Variants in CFAP299 observed in about 807,000 individuals in gnomAD.
CFAP299 encodes the protein cilia- and flagella-associated protein 299.
CFAP299 carries 21 observed loss-of-function variants against 27.0 expected under a neutral mutation model. That is an observed-to-expected ratio of 0.78 (90% CI 0.55 to 1.12). The LOEUF (loss-of-function observed/expected upper bound fraction) is 1.12. Ranked by LOEUF, CFAP299 falls within the 50% of genes most tolerant of loss-of-function variation. The pLI, the probability that CFAP299 is intolerant of heterozygous loss-of-function variation, is 0.00. For missense variants in CFAP299, 310 were observed against 276.6 expected (o/e 1.12, Z -0.86); for synonymous variants, 104 against 98.1 (o/e 1.06, Z -0.36).
chr4:80,900,580 T>C (rs1243308457), intron 4 of CFAP299, among the ~76,000 whole-genome samples: 1 of 152,028 alleles, frequency 6.6e-6, no homozygotes, highest in African/African-American at 2.4e-5. Context: ...GTAGGTAAAA[T>C]ATGTTCAATA....
intron 2 of CFAP299, among the ~76,000 whole-genome samples, chr4:80,432,690 G>A (rs1255415681): frequency 2.6e-5 from 4 of 151,526 alleles, no homozygotes; most frequent in Admixed American, 6.6e-5. Flanking sequence ...CCACCACCAC[G>A]CCTGGCTAAT....
chr4:80,901,734 T>C (rs1465084515), intron 4 of CFAP299, among the ~76,000 whole-genome samples: 4 of 152,068 alleles, frequency 2.6e-5, no homozygotes, highest in Non-Finnish European at 5.9e-5. Context: ...CAGCAATTGG[T>C]TCAATCACTT....
chr4:80,547,138 G>A (rs1292807519), intron 2 of CFAP299, among the ~76,000 whole-genome samples: 2 of 151,990 alleles, frequency 1.3e-5, no homozygotes, highest in East Asian at 1.9e-4. Context: ...TATAGTACAA[G>A]GCTAACAACC....
chr4:80,650,568 G>A (rs576813022), intron 3 of CFAP299, among the ~76,000 whole-genome samples: 1 of 152,168 alleles, frequency 6.6e-6, no homozygotes, highest in Non-Finnish European at 1.5e-5. Flanking sequence ...ATGTAACCAT[G>A]GGGATGAACT....
intron 4 of CFAP299, among the ~76,000 whole-genome samples, chr4:80,899,491 C>T (rs1734778167): frequency 6.6e-6 from 1 of 152,136 alleles, no homozygotes; most frequent in African/African-American, 2.4e-5. Context: ...AAACGTAGAG[C>T]ACAATCTTAT....
intron 3 of CFAP299, among the ~76,000 whole-genome samples, chr4:80,849,183 T>G: frequency 6.6e-6 from 1 of 152,146 alleles, no homozygotes; most frequent in East Asian, 1.9e-4. Context: ...AATTTTTTAT[T>G]ATTTTTTCTT....
At chr4:80,820,271 T>G (rs997668137) in intron 3 of CFAP299, among the ~76,000 whole-genome samples, 1 of 152,164 alleles carries the variant, frequency 6.6e-6, no homozygotes, top group Non-Finnish European at 1.5e-5. Context: ...ATTTAATAAA[T>G]ATTTATTGAA....
chr4:80,521,803 TG>T (rs1323028451), intron 2 of CFAP299, among the ~76,000 whole-genome samples: 6 of 151,620 alleles, frequency 4.0e-5, no homozygotes, highest in Admixed American at 1.3e-4. Flanking sequence ...TTTTTTTTTT[TG>T]TAAGTTCAAA....
intron 3 of CFAP299, among the ~76,000 whole-genome samples, chr4:80,637,830 G>C (rs1739525086): frequency 1.3e-5 from 2 of 152,170 alleles, no homozygotes; most frequent in African/African-American, 4.8e-5. Context: ...AGTTCAACTT[G>C]AGGTCACGTT....
chr4:80,859,616 A>G (rs1258873785), intron 3 of CFAP299, among the ~76,000 whole-genome samples: 1 of 151,178 alleles, frequency 6.6e-6, no homozygotes, highest in Non-Finnish European at 1.5e-5. Flanking sequence ...GTGGTGACAA[A>G]TCTCTCAGCA....
chr4:80,512,457 A>G (rs1037538301), intron 2 of CFAP299, among the ~76,000 whole-genome samples: 2 of 152,086 alleles, frequency 1.3e-5, no homozygotes, highest in Admixed American at 1.3e-4. Flanking sequence ...ACCACTCTAA[A>G]TGGTAGCCTA....
At chr4:80,424,728 T>C (rs1248790810) in intron 2 of CFAP299, among the ~76,000 whole-genome samples, 1 of 152,150 alleles carries the variant, frequency 6.6e-6, no homozygotes, top group African/African-American at 2.4e-5. Context: ...GAAGAGATGA[T>C]CATTACCTAG....
At chr4:80,575,390 A>G (rs72659874) in intron 2 of CFAP299, among the ~76,000 whole-genome samples, 292 of 151,368 alleles carry the variant, frequency 1.9e-3, no homozygotes, top group Non-Finnish European at 3.3e-3. Flanking sequence ...CAGTGGCACT[A>G]TCACACCTCA....
intron 3 of CFAP299, among the ~76,000 whole-genome samples, chr4:80,774,666 G>A (rs1166294720): frequency 2.6e-5 from 4 of 151,908 alleles, no homozygotes; most frequent in South Asian, 2.1e-4. Context: ...TTCATATGTC[G>A]ATTTGGCAAC....
At chr4:80,387,466 G>C (rs779773394) in intron 2 of CFAP299, 1 of 825,842 alleles carries the variant, frequency 1.2e-6, no homozygotes. Flanking sequence ...TGGGTTTCCG[G>C]CTTGCCCCTT....
intron 3 of CFAP299, among the ~76,000 whole-genome samples, chr4:80,780,484 T>C (rs1012263703): frequency 2.6e-5 from 4 of 152,066 alleles, no homozygotes; most frequent in African/African-American, 7.2e-5. Context: ...ATTACTAAAA[T>C]GTGTACAACA....
At chr4:80,827,101 A>G (rs1410266931) in intron 3 of CFAP299, among the ~76,000 whole-genome samples, 2 of 151,904 alleles carry the variant, frequency 1.3e-5, no homozygotes, top group African/African-American at 2.4e-5. Context: ...ACCCAACATT[A>G]TAAGTTGTTG....
intron 3 of CFAP299, among the ~76,000 whole-genome samples, chr4:80,610,966 G>A (rs1445689982): frequency 3.3e-5 from 5 of 151,874 alleles, no homozygotes; most frequent in Non-Finnish European, 7.4e-5. Context: ...GCAAATAAAC[G>A]GGTTCCAAAC....
chr4:80,365,350 G>A (rs899535897), intron 2 of CFAP299, among the ~76,000 whole-genome samples: 7 of 152,138 alleles, frequency 4.6e-5, no homozygotes, highest in Non-Finnish European at 1.0e-4. Flanking sequence ...GATCAGTGAC[G>A]TTGAGCTTTT....
Sources: gnomAD v4.1 joint callset for allele counts (sites outside exome capture counted in the v4.1 genomes callset) on GRCh38, gnomAD v4.1.1 for gene constraint, MANE v1.5 for transcripts, NCBI Gene and HGNC (gene_info 2026-07-23, HGNC 2026-07-21) for gene names.